The following FGF12 variants were observed in gnomAD, a reference collection of about 807,000 sequenced individuals.
FGF12 encodes the protein fibroblast growth factor 12.
In FGF12, 14 loss-of-function variants were observed where a neutral mutation model predicts 23.6. The ratio of observed to expected loss-of-function variants is 0.59; its 90% CI spans 0.39 to 0.93. FGF12 has a LOEUF of 0.93. FGF12 is among the 40% of genes least tolerant of loss of function. FGF12 has a pLI of 0.00. For synonymous variants in FGF12, 62 were observed against 77.3 expected, an observed-to-expected ratio of 0.80 and a Z score of 1.04; for missense variants, 175 against 217.8, an observed-to-expected ratio of 0.80 and a Z score of 1.24.
intron 2 of FGF12, among the ~76,000 whole-genome samples, chr3:192,387,893 A>C (rs2108758705): frequency 6.6e-6 from 1 of 152,052 alleles, no homozygotes; most frequent in African/African-American, 2.4e-5. Context: ...TCTCCAAAAA[A>C]TAAAAAGTAA....
At chr3:192,331,379 TTTGTACGCTCATGTTCA>T (rs1178920130) in intron 4 of FGF12, among the ~76,000 whole-genome samples, 1 of 149,878 alleles carries the variant, frequency 6.7e-6, no homozygotes, top group Non-Finnish European at 1.5e-5. Flanking sequence ...GATCTTGACA[TTTGTACGCTCATGTTCA>T]TTGCAGCAGT....
rs944604241 is a variant in FGF12, at chr3:192,140,130, T to C, written c.*3879A>G. The C allele has an allele frequency of 5.3e-5, 8 of 152,070 alleles. No individual in the cohort carries two copies. The highest frequency in any genetic ancestry group is 1.3e-4 in the Admixed American group (2 of 15,274). The allele number at this position is 152,070 out of a possible 1,614,324, so 9.4% of individuals were successfully genotyped here. A position where few individuals can be genotyped will look rare whatever the true frequency, so the allele number is the denominator to read the frequency against. On this transcript the variant is annotated 3_prime_UTR_variant, in exon 6 of 6. Coordinates refer to ENST00000445105, the MANE Select transcript of FGF12 (RefSeq NM_004113.6). Reference sequence around the variant, plus strand: ...GTTTTGCATTCAAATCTCTTTATTTTTGATTACCTATGACTAAAGACCACA... The same window carrying C: ...GTTTTGCATTCAAATCTCTTTATTTCTGATTACCTATGACTAAAGACCACA...
chr3:192,355,069 A>G (rs987145584), intron 3 of FGF12, among the ~76,000 whole-genome samples: 1 of 152,246 alleles, frequency 6.6e-6, no homozygotes, highest in Non-Finnish European at 1.5e-5. Context: ...ACAATTTTAG[A>G]GTAAATTTGC....
chr3:192,226,427 G>A (rs1718740218), intron 4 of FGF12, among the ~76,000 whole-genome samples: 1 of 152,044 alleles, frequency 6.6e-6, no homozygotes, highest in Non-Finnish European at 1.5e-5. Context: ...ATAAGAATAA[G>A]GCAGAATTGT....
chr3:192,240,606 A>G (rs1372167333), intron 4 of FGF12, among the ~76,000 whole-genome samples: 1 of 152,158 alleles, frequency 6.6e-6, no homozygotes, highest in African/African-American at 2.4e-5. Flanking sequence ...CCTAGTGCAC[A>G]GTGATTATCT....
At chr3:192,416,387 G>C (rs181620361) in intron 2 of FGF12, among the ~76,000 whole-genome samples, 1 of 152,108 alleles carries the variant, frequency 6.6e-6, no homozygotes, top group Non-Finnish European at 1.5e-5. Flanking sequence ...AAGCTACTTC[G>C]TCTGCCTGAG....
At chr3:192,305,864 T>G (rs1418994124) in intron 4 of FGF12, among the ~76,000 whole-genome samples, 2 of 130,388 alleles carry the variant, frequency 1.5e-5, no homozygotes, top group East Asian at 2.2e-4. Context: ...GTTTTTTTTT[T>G]TTTTTTTTTT....
At chr3:192,656,327 A>C (rs1716423387) in intron 2 of FGF12, among the ~76,000 whole-genome samples, 1 of 149,866 alleles carries the variant, frequency 6.7e-6, no homozygotes, top group Non-Finnish European at 1.5e-5. Flanking sequence ...ACACAGAGAG[A>C]GAATTATAGT....
intron 2 of FGF12, among the ~76,000 whole-genome samples, chr3:192,596,530 A>G (rs1459800753): frequency 1.4e-4 from 22 of 152,202 alleles, no homozygotes; most frequent in Admixed American, 1.4e-3. Context: ...ACAGATAAAT[A>G]AGCTAAGTTT....
At chr3:192,524,295 T>C (rs57146869) in intron 2 of FGF12, among the ~76,000 whole-genome samples, 2,910 of 152,304 alleles carry the variant, frequency 0.019, 84 homozygotes, top group African/African-American at 0.065. Context: ...TCTCTGTAAA[T>C]TGTCTGCTTT....
chr3:192,196,730 C>A (rs1467577707), intron 4 of FGF12, among the ~76,000 whole-genome samples: 1 of 152,148 alleles, frequency 6.6e-6, no homozygotes, highest in East Asian at 1.9e-4. Context: ...CATTTTGTAG[C>A]ATTCTTTCCA....
chr3:192,185,275 T>G (rs1288874522), intron 4 of FGF12, among the ~76,000 whole-genome samples: 1 of 152,230 alleles, frequency 6.6e-6, no homozygotes, highest in Non-Finnish European at 1.5e-5. Context: ...GACCCCGGCC[T>G]CTGTCTTATT....
At position 192,705,029 on chromosome 3, in the gene FGF12, T is replaced by A. The variant is rs149869290; in HGVS notation, c.13+22152A>T. Among the ~76,000 whole-genome samples, 112 of 152,366 alleles carry A rather than the reference T, an allele frequency of 7.4e-4. 3 individuals are homozygous for A. Among genetic ancestry groups the A allele is most frequent in the African/African-American group, 2.4e-3 (101 of 41,582 alleles). ...GGCTTAAGGAAATGTTGTGACTGAT[T>A]TGATCTTCTATCCAGATCACTACAA... On this transcript the variant is annotated intron_variant, in intron 2 of 5. Coordinates refer to ENST00000445105, the MANE Select transcript of FGF12 (RefSeq NM_004113.6).
rs1389430906 is a variant in FGF12, at chr3:192,514,300, C to T, written c.14-153762G>A. 1.3e-5 allele frequency among the ~76,000 whole-genome samples: 2 copies of T among 152,228 alleles called. No homozygotes were observed. The highest frequency in any genetic ancestry group is 2.9e-5 in the Non-Finnish European group (2 of 68,046). ...CCTGTGGAACGCACGAGCAACTTTTCGGAGACACTGAACAACTCCAAGTCG... is the reference window on the plus strand; with the variant it reads ...CCTGTGGAACGCACGAGCAACTTTTTGGAGACACTGAACAACTCCAAGTCG... On this transcript the variant is annotated intron_variant, in intron 2 of 5. Coordinates refer to ENST00000445105, the MANE Select transcript of FGF12 (RefSeq NM_004113.6). The surrounding 1 kb of genome is among the most constrained non-coding windows in gnomAD (Gnocchi z 4.9).
At chr3:192,700,139 G>A (rs187052487) in intron 2 of FGF12, among the ~76,000 whole-genome samples, 24 of 152,202 alleles carry the variant, frequency 1.6e-4, no homozygotes, top group Admixed American at 1.2e-3. Context: ...GTTAAGCAAC[G>A]TCAGTTCTCT....
chr3:192,505,140 C>T (rs990017430), intron 2 of FGF12, among the ~76,000 whole-genome samples: 1 of 151,840 alleles, frequency 6.6e-6, no homozygotes, highest in Non-Finnish European at 1.5e-5. Flanking sequence ...TGTAAAATGG[C>T]ATATCCATTA....
chr3:192,349,952 GTA>G (rs1718141445), intron 3 of FGF12, among the ~76,000 whole-genome samples: 1 of 152,046 alleles, frequency 6.6e-6, no homozygotes, highest in African/African-American at 2.4e-5. Flanking sequence ...AGACATAGCA[GTA>G]CAAAATGCAG....
chr3:192,178,986 T>C (rs1420828452), intron 4 of FGF12, among the ~76,000 whole-genome samples: 1 of 152,230 alleles, frequency 6.6e-6, no homozygotes, highest in Non-Finnish European at 1.5e-5. Flanking sequence ...AGCTTCTGAT[T>C]TGCTAACTTC....
Position 192,463,468 on chromosome 3 carries a change from A to G in FGF12, c.14-102930T>C, listed in dbSNP as rs372187696. 2.8e-4 allele frequency among the ~76,000 whole-genome samples: 42 copies of G among 152,292 alleles called. No homozygotes were observed. The East Asian group carries it at 7.3e-3, about 27-fold the overall frequency. ...TGTTCAAAGGAATTATCAAAATATT[A>G]TATAATAAAAGACATACCTTGTTTC... On this transcript the variant is annotated intron_variant, in intron 2 of 5. Coordinates refer to ENST00000445105, the MANE Select transcript of FGF12 (RefSeq NM_004113.6).
Sources: allele counts gnomAD v4.1 joint callset (sites outside exome capture counted in the v4.1 genomes callset), GRCh38; gene constraint gnomAD v4.1.1; non-coding constraint Gnocchi (gnomAD v3.1); transcripts MANE v1.5; gene names NCBI Gene and HGNC (gene_info 2026-07-23, HGNC 2026-07-21).